Variants in CCDC81 observed in about 807,000 individuals in gnomAD.
CCDC81 encodes coiled-coil domain-containing protein 81.
Under a neutral mutation model 83.7 loss-of-function variants are expected in CCDC81, and 79 were observed. The observed-to-expected ratio is 0.94, with a 90% CI of 0.79 to 1.14. The LOEUF (loss-of-function observed/expected upper bound fraction) is 1.14. Ranked by LOEUF, CCDC81 falls within the 50% of genes most tolerant of loss-of-function variation. The pLI, the probability that CCDC81 is intolerant of heterozygous loss-of-function variation, is 0.00. For missense variants in CCDC81, 791 were observed against 778.1 expected (o/e 1.02, Z -0.20); for synonymous variants, 252 against 278.1 (o/e 0.91, Z 0.93).
chr11:86,377,024 A>G (rs1288314035), intron 1 of CCDC81, among the ~76,000 whole-genome samples: 1 of 152,206 alleles, frequency 6.6e-6, no homozygotes, highest in Non-Finnish European at 1.5e-5. Context: ...AGAATGTAAT[A>G]TAGTTGGAAT....
At chr11:86,387,764 T>C (rs1948265304) in intron 3 of CCDC81, 92 bp downstream of exon 3, 1 of 877,308 alleles carries the variant, frequency 1.1e-6, no homozygotes, top group Non-Finnish European at 1.7e-6. Flanking sequence ...GCTGCTGTCT[T>C]ACCTTCTTAT....
At chr11:86,410,869 C>T (rs577901991) in intron 10 of CCDC81, among the ~76,000 whole-genome samples, 2 of 152,164 alleles carry the variant, frequency 1.3e-5, no homozygotes, top group Non-Finnish European at 2.9e-5. Flanking sequence ...AGTCCAGTTG[C>T]CTTTACCTCC....
chr11:86,382,540 T>C (rs1565757323), intron 1 of CCDC81, among the ~76,000 whole-genome samples: 1 of 152,112 alleles, frequency 6.6e-6, no homozygotes, highest in African/African-American at 2.4e-5. Flanking sequence ...TTTGGGCAAG[T>C]TGAAGGGCCT....
At chr11:86,414,744 A>C in intron 11 of CCDC81, 45 bp from the exon 12 acceptor site, 1 of 1,268,372 alleles carries the variant, frequency 7.9e-7, no homozygotes, top group South Asian at 1.3e-5. Context: ...ATATTACTAA[A>C]GACTGCAAAA....
chr11:86,391,756 T>C (rs1948332577), intron 3 of CCDC81, among the ~76,000 whole-genome samples: 1 of 152,226 alleles, frequency 6.6e-6, no homozygotes, highest in South Asian at 2.1e-4. Flanking sequence ...GGCAAATGTA[T>C]CAGTTCATTC....
At chr11:86,386,384 C>T (rs547267944) in intron 2 of CCDC81, among the ~76,000 whole-genome samples, 1 of 152,162 alleles carries the variant, frequency 6.6e-6, no homozygotes, top group East Asian at 1.9e-4. Context: ...TGCTGATCAG[C>T]CTGGGTGTGT....
chr11:86,403,020 T>TA (rs1341032699), intron 7 of CCDC81, among the ~76,000 whole-genome samples: 11 of 146,770 alleles, frequency 7.5e-5, no homozygotes, highest in Non-Finnish European at 1.5e-4. Context: ...TTGATTTTTT[T>TA]TTTTTTTTTT....
intron 3 of CCDC81, among the ~76,000 whole-genome samples, chr11:86,388,716 T>C (rs1948282883): frequency 6.6e-6 from 1 of 152,206 alleles, no homozygotes; most frequent in Non-Finnish European, 1.5e-5. Flanking sequence ...TTTTTTCTTT[T>C]CTTTGTTTCT....
At chr11:86,413,431 G>A (rs866168797) in intron 11 of CCDC81, among the ~76,000 whole-genome samples, 1 of 152,078 alleles carries the variant, frequency 6.6e-6, no homozygotes, top group South Asian at 2.1e-4. Context: ...ACCCTAGCCA[G>A]GGACCATGTC....
chr11:86,408,369 G>C (rs1948592270), intron 9 of CCDC81, 99 bp downstream of exon 9: 1 of 1,182,010 alleles, frequency 8.5e-7, no homozygotes, highest in Non-Finnish European at 1.1e-6. Flanking sequence ...GTCTCACTCT[G>C]TCACCCAGGT....
rs1185440193 is a variant in CCDC81 at position 86,422,699 on chromosome 11, C to A, written c.1943C>A (p.Ser648Tyr). ...CCCCTGAACAAGTTCCTGCCTGGCT[C>A]CCGGTTGCTTGTGTAAAACTCAAAG... Reference protein sequence around the residue: ...LWPLNKFLPGSRLLV With the variant: ...LWPLNKFLPGYRLLV Residue 648 changes from serine to tyrosine, a missense_variant, in exon 15 of 15, where the codon TCC (serine) becomes TAC (tyrosine). Transcript: ENST00000445632. 5.6e-6 allele frequency: 9 copies of A among 1,613,318 alleles called. No individual in the cohort carries two copies. The highest frequency in any genetic ancestry group is 7.6e-6 in the Non-Finnish European group (9 of 1,179,540).
chr11:86,394,790 A>G (rs1198589505), intron 4 of CCDC81, among the ~76,000 whole-genome samples: 4 of 152,226 alleles, frequency 2.6e-5, no homozygotes, highest in Non-Finnish European at 1.5e-5. Context: ...GAGAATTAAA[A>G]TAGTCATTTG....
At chr11:86,380,847 A>C (rs1447307756) in intron 1 of CCDC81, among the ~76,000 whole-genome samples, 1 of 152,200 alleles carries the variant, frequency 6.6e-6, no homozygotes, top group Non-Finnish European at 1.5e-5. Flanking sequence ...GCTGTCTACT[A>C]TATCCGTTAG....
chr11:86,380,892 T>C (rs1013038639), intron 1 of CCDC81, among the ~76,000 whole-genome samples: 2 of 152,260 alleles, frequency 1.3e-5, no homozygotes, highest in African/African-American at 4.8e-5. Context: ...TGTTTTAAAT[T>C]GCCAGTGTGA....
chr11:86,406,915 A>T (rs1247886517), intron 7 of CCDC81, among the ~76,000 whole-genome samples: 4 of 152,318 alleles, frequency 2.6e-5, no homozygotes, highest in African/African-American at 9.6e-5. Context: ...ACTAGTATTA[A>T]TATTAATACT....
chr11:86,407,803 G>A, intron 8 of CCDC81, 102 bp downstream of exon 8: 1 of 875,606 alleles, frequency 1.1e-6, no homozygotes, highest in South Asian at 1.6e-5. Flanking sequence ...ATATGAGTAT[G>A]GCTCAAGTAC....
Position 86,419,855 on chromosome 11 carries a change from A to G in CCDC81, c.1692-73A>G, listed in dbSNP as rs985232335. 3 of 1,494,628 alleles carry G rather than the reference A, an allele frequency of 2.0e-6. No homozygotes were observed. The African/African-American group carries it at 4.2e-5, about 21-fold the overall frequency. The allele number at this position is 1,494,628 out of a possible 1,614,324, so 92.6% of individuals were successfully genotyped here. ...AGAAGGTTTTTTTTGTTTAACATAAAAGGAATGGGGCTCCCAAATTTGGTG... is the reference window on the plus strand; with the variant it reads ...AGAAGGTTTTTTTTGTTTAACATAAGAGGAATGGGGCTCCCAAATTTGGTG... On this transcript the variant is annotated intron_variant, in intron 13 of 14. Transcript: ENST00000445632.
At chr11:86,409,196 G>T (rs148388603) in intron 9 of CCDC81, 65 bp from the exon 10 acceptor site, 13,034 of 738,146 alleles carry the variant, frequency 0.018, 154 homozygotes, top group South Asian at 0.024. Context: ...TAAAATTTTT[G>T]GGGGCTCCAC....
chr11:86,422,270 G>C (rs1948801800), intron 14 of CCDC81, among the ~76,000 whole-genome samples: 1 of 152,164 alleles, frequency 6.6e-6, no homozygotes, highest in Non-Finnish European at 1.5e-5. Context: ...AGAGGCTTTG[G>C]AGCCACTGTC....
Sources: allele counts gnomAD v4.1 joint callset (sites outside exome capture counted in the v4.1 genomes callset), GRCh38; gene constraint gnomAD v4.1.1; transcripts MANE v1.5; gene names NCBI Gene and HGNC (gene_info 2026-07-23, HGNC 2026-07-21).